The following LRRC7 variants were observed in gnomAD, a reference collection of about 807,000 sequenced individuals.
LRRC7 encodes leucine-rich repeat-containing protein 7.
In LRRC7, 23 loss-of-function variants were observed where a neutral mutation model predicts 175.7. The ratio of observed to expected loss-of-function variants is 0.13; its 90% CI spans 0.09 to 0.19. LRRC7 has a LOEUF of 0.19. LRRC7 is among the 10% of genes least tolerant of loss of function. LRRC7 has a pLI of 1.00. For missense variants in LRRC7, 1,354 were observed against 1,904.7 expected, an observed-to-expected ratio of 0.71 and a Z score of 5.38; for synonymous variants, 685 against 680.9, an observed-to-expected ratio of 1.01 and a Z score of -0.09.
chr1:69,622,461 C>T (rs963338327), intron 1 of LRRC7, among the ~76,000 whole-genome samples: 2 of 152,190 alleles, frequency 1.3e-5, no homozygotes, highest in Admixed American at 6.5e-5. Context: ...ATTATTTTGG[C>T]CCTACCATCT....
intron 2 of LRRC7, among the ~76,000 whole-genome samples, chr1:69,686,213 G>A (rs190155255): frequency 5.9e-5 from 9 of 152,242 alleles, no homozygotes; most frequent in Admixed American, 2.6e-4. Flanking sequence ...AAAACTGAGA[G>A]AATTTGTTGC....
chr1:69,857,578 G>A (rs1234596775), intron 7 of LRRC7, among the ~76,000 whole-genome samples: 2 of 152,066 alleles, frequency 1.3e-5, no homozygotes, highest in Admixed American at 6.6e-5. Context: ...TCTTCAAGGA[G>A]AACTACAAAC....
intron 7 of LRRC7, among the ~76,000 whole-genome samples, chr1:69,903,064 G>C (rs942856630): frequency 6.6e-6 from 1 of 152,122 alleles, no homozygotes; most frequent in Non-Finnish European, 1.5e-5. Context: ...CATTTTTTTA[G>C]CATGATAATC....
At chr1:69,644,930 A>G (rs1654788126) in intron 1 of LRRC7, among the ~76,000 whole-genome samples, 1 of 152,040 alleles carries the variant, frequency 6.6e-6, no homozygotes, top group Non-Finnish European at 1.5e-5. Flanking sequence ...AATAACCTTT[A>G]GTCATAAAAC....
chr1:69,933,992 A>G (rs1647674308), intron 8 of LRRC7, among the ~76,000 whole-genome samples: 1 of 152,204 alleles, frequency 6.6e-6, no homozygotes, highest in South Asian at 2.1e-4. Context: ...TTTGAAGAGT[A>G]TAACTGTGGA....
intron 4 of LRRC7, among the ~76,000 whole-genome samples, chr1:69,819,326 G>T (rs927561770): frequency 2.0e-5 from 3 of 151,744 alleles, no homozygotes; most frequent in African/African-American, 7.3e-5. Context: ...CCTAATGGTT[G>T]CTCAGGATGG....
chr1:69,847,997 C>T (rs1302342892), intron 7 of LRRC7, among the ~76,000 whole-genome samples: 1 of 152,104 alleles, frequency 6.6e-6, no homozygotes, highest in Non-Finnish European at 1.5e-5. Flanking sequence ...ATCCAATATA[C>T]AATGCACCTT....
At chr1:69,781,549 G>A (rs1361519279) in intron 3 of LRRC7, among the ~76,000 whole-genome samples, 2 of 150,752 alleles carry the variant, frequency 1.3e-5, no homozygotes, top group Admixed American at 6.7e-5. Flanking sequence ...CAGGTGTGGT[G>A]TGCACAACTG....
At chr1:69,785,677 C>A (rs1674327326) in intron 3 of LRRC7, among the ~76,000 whole-genome samples, 1 of 151,878 alleles carries the variant, frequency 6.6e-6, no homozygotes, top group African/African-American at 2.4e-5. Flanking sequence ...ATTTGTTATT[C>A]TAGAAATGTA....
At chr1:69,602,225 G>A (rs1212385780) in intron 1 of LRRC7, among the ~76,000 whole-genome samples, 2 of 152,138 alleles carry the variant, frequency 1.3e-5, no homozygotes, top group East Asian at 3.9e-4. Context: ...TCTCCAAATG[G>A]ATTCAATCTA....
chr1:70,001,315 T>C (rs928246243), intron 11 of LRRC7, among the ~76,000 whole-genome samples: 2 of 152,082 alleles, frequency 1.3e-5, no homozygotes, highest in Non-Finnish European at 2.9e-5. Context: ...GCACCTACTC[T>C]CCTACTGAAT....
intron 22 of LRRC7, among the ~76,000 whole-genome samples, chr1:70,051,296 C>T (rs1227353299): frequency 6.6e-6 from 1 of 151,998 alleles, no homozygotes; most frequent in Non-Finnish European, 1.5e-5. Flanking sequence ...AATGAACATA[C>T]TAATTATCCC....
At chr1:69,641,262 C>G (rs1393089948) in intron 1 of LRRC7, among the ~76,000 whole-genome samples, 1 of 151,592 alleles carries the variant, frequency 6.6e-6, no homozygotes, top group African/African-American at 2.4e-5. Flanking sequence ...TATTCATTCT[C>G]CATCAGCACT....
At chr1:69,796,437 C>T (rs531675026) in intron 4 of LRRC7, among the ~76,000 whole-genome samples, 11 of 152,024 alleles carry the variant, frequency 7.2e-5, no homozygotes, top group African/African-American at 2.7e-4. Flanking sequence ...CCAAAATACC[C>T]CTTCCTCCCT....
chr1:69,654,512 T>C (rs1290150436), intron 1 of LRRC7, among the ~76,000 whole-genome samples: 3 of 152,080 alleles, frequency 2.0e-5, no homozygotes, highest in East Asian at 1.9e-4. Context: ...ATAACCCTTA[T>C]TGAAGTTGCC....
At chr1:70,112,429 G>C (rs1028286773) in intron 26 of LRRC7, among the ~76,000 whole-genome samples, 1 of 152,144 alleles carries the variant, frequency 6.6e-6, no homozygotes, top group African/African-American at 2.4e-5. Context: ...TAGGTAGGAG[G>C]GAAGTCATGT....
intron 7 of LRRC7, among the ~76,000 whole-genome samples, chr1:69,881,757 G>C (rs1046139856): frequency 6.6e-6 from 1 of 151,598 alleles, no homozygotes; most frequent in Non-Finnish European, 1.5e-5. Context: ...GTGCATGCTT[G>C]TGGTCTCAGC....
At chr1:69,953,373 A>G (rs1309166559) in intron 8 of LRRC7, among the ~76,000 whole-genome samples, 4 of 152,068 alleles carry the variant, frequency 2.6e-5, no homozygotes, top group African/African-American at 9.7e-5. Flanking sequence ...TTTACTAGCT[A>G]TAAATAATCT....
At chr1:69,943,883 A>G (rs1649001543) in intron 8 of LRRC7, among the ~76,000 whole-genome samples, 1 of 151,792 alleles carries the variant, frequency 6.6e-6, no homozygotes, top group South Asian at 2.1e-4. Flanking sequence ...TGAAATTTCT[A>G]GTTCCAAATA....
Sources: gnomAD v4.1 joint callset for allele counts (sites outside exome capture counted in the v4.1 genomes callset) on GRCh38, gnomAD v4.1.1 for gene constraint, MANE v1.5 for transcripts, NCBI Gene and HGNC (gene_info 2026-07-23, HGNC 2026-07-21) for gene names.